AOPEP: variants seen among roughly 807,000 people sequenced by gnomAD.
AOPEP encodes aminopeptidase O (putative).
In AOPEP, 77 loss-of-function variants were observed where a neutral mutation model predicts 98.1. That is an observed-to-expected ratio of 0.78 (90% confidence interval 0.65 to 0.95). The LOEUF is 0.95. Among genes scored for constraint, AOPEP ranks in the 40% least tolerant of loss-of-function variants. AOPEP has a pLI of 0.00. For missense variants in AOPEP, 1,024 were observed against 1,024.7 expected (o/e 1.00, Z 0.01); for synonymous variants, 346 against 365.3 (o/e 0.95, Z 0.60).
At chr9:94,969,977 A>T (rs1447420197) in intron 10 of AOPEP, among the ~76,000 whole-genome samples, 1 of 152,164 alleles carries the variant, frequency 6.6e-6, no homozygotes, top group East Asian at 1.9e-4. Context: ...GTACAGTGTC[A>T]GGGCTTATGC....
intron 13 of AOPEP, among the ~76,000 whole-genome samples, chr9:95,044,821 C>T (rs2065688973): frequency 6.6e-6 from 1 of 152,090 alleles, no homozygotes; most frequent in African/African-American, 2.4e-5. Flanking sequence ...GCCCCTAGGG[C>T]CTGCACTAGA....
At chr9:95,115,202 A>G in the AOPEP span, among the ~76,000 whole-genome samples, 2 of 152,282 alleles carry the variant, frequency 1.3e-5, no homozygotes, top group Admixed American at 1.3e-4. Flanking sequence ...TTGGCCTCCC[A>G]AAGTGCTGGA....
rs1045657630 is a variant in AOPEP, at chr9:94,931,455, A to G, written c.1661+2924A>G. Among the ~76,000 whole-genome samples, 22 of 152,162 alleles carry G rather than the reference A, an allele frequency of 1.4e-4. 1 individual carries two copies. Among genetic ancestry groups the G allele is most frequent in the African/African-American group, 5.3e-4 (22 of 41,444 alleles). On this transcript the variant is annotated intron_variant, in intron 7 of 16. Coordinates refer to ENST00000375315, the MANE Select transcript of AOPEP (RefSeq NM_001193329.3). ...GGAAATGTTTCCGAACCTGCCCTGA[A>G]TTATATAGTCTAGGTTTCGTTTACT...
chr9:94,855,747 GA>G (rs2044124702), intron 5 of AOPEP, among the ~76,000 whole-genome samples: 2 of 152,120 alleles, frequency 1.3e-5, no homozygotes. Flanking sequence ...AATTTGCCTA[GA>G]ACTGGTGGTT....
chr9:95,131,710 A>G, the AOPEP span, among the ~76,000 whole-genome samples: 1 of 152,214 alleles, frequency 6.6e-6, no homozygotes, highest in Non-Finnish European at 1.5e-5. Flanking sequence ...AGACTGAAAA[A>G]GCAGGAAAAG....
rs1589235619 is a variant in AOPEP at position 95,005,325 on chromosome 9, C to T, written c.2040+105C>T. 3 of 732,928 alleles carry T rather than the reference C, an allele frequency of 4.1e-6. 1 individual carries two copies. The highest frequency in any genetic ancestry group is 1.1e-4 in the South Asian group (2 of 18,996). 45.4% of individuals were successfully genotyped at this position (732,928 alleles called of 1,614,324 possible). A position where few individuals can be genotyped will look rare whatever the true frequency, so the allele number is the denominator to read the frequency against. ...CTGCGGCGCGCGGGTGCGGGGACTA[C>T]CCGCCAGGCTCCGGCTCGGGCGCGG... On this transcript the variant is annotated intron_variant, in intron 12 of 16. Transcript: ENST00000375315.
At chr9:94,999,154 C>A (rs866095070) in intron 11 of AOPEP, among the ~76,000 whole-genome samples, 1 of 151,732 alleles carries the variant, frequency 6.6e-6, no homozygotes, top group Non-Finnish European at 1.5e-5. Context: ...AAACAAAAAA[C>A]CCCAAAAAAC....
At chr9:94,899,135 G>A (rs2050016171) in intron 5 of AOPEP, among the ~76,000 whole-genome samples, 2 of 150,914 alleles carry the variant, frequency 1.3e-5, no homozygotes, top group Non-Finnish European at 2.9e-5. Flanking sequence ...AAGTCCAAGT[G>A]GAGGACTGAT....
chr9:94,796,218 G>A (rs1027708671), intron 4 of AOPEP, among the ~76,000 whole-genome samples: 1 of 152,196 alleles, frequency 6.6e-6, no homozygotes, highest in Non-Finnish European at 1.5e-5. Context: ...CTGGTGAATG[G>A]GGTTCCTCCC....
At chr9:94,913,779 T>C (rs1274366917) in intron 5 of AOPEP, among the ~76,000 whole-genome samples, 2 of 152,264 alleles carry the variant, frequency 1.3e-5, no homozygotes, top group Non-Finnish European at 2.9e-5. Flanking sequence ...GTTTAATTCA[T>C]GAATTTTCCT....
chr9:95,078,810 G>C (rs1004837582), intron 14 of AOPEP, among the ~76,000 whole-genome samples: 2 of 152,338 alleles, frequency 1.3e-5, no homozygotes, highest in Non-Finnish European at 2.9e-5. Flanking sequence ...GAGAGATGAG[G>C]GACGGAGGCG....
intron 5 of AOPEP, among the ~76,000 whole-genome samples, chr9:94,813,481 C>T (rs183933268): frequency 6.6e-6 from 1 of 152,328 alleles, no homozygotes; most frequent in East Asian, 1.9e-4. Flanking sequence ...CTATCACAGG[C>T]TTCCTGTAAC....
chr9:95,027,395 T>C (rs2063927591), intron 13 of AOPEP, among the ~76,000 whole-genome samples: 1 of 152,266 alleles, frequency 6.6e-6, no homozygotes, highest in Non-Finnish European at 1.5e-5. Flanking sequence ...CATTTAATTA[T>C]GTTTTTTTCT....
chr9:94,948,984 C>A (rs2057900899), intron 7 of AOPEP, among the ~76,000 whole-genome samples: 1 of 152,228 alleles, frequency 6.6e-6, no homozygotes, highest in South Asian at 2.1e-4. Context: ...TCTCCAGCAT[C>A]CCGTTCAACT....
rs1232173932 is a variant in AOPEP, at chr9:95,012,210, A to G, written c.2115+6594A>G. Among the ~76,000 whole-genome samples, 3 of 152,350 alleles carry G rather than the reference A, an allele frequency of 2.0e-5. No homozygotes were observed. In the East Asian group the frequency reaches 5.8e-4, roughly 29 times the overall value. Reference sequence around the variant, plus strand: ...AATATTTGAAAATTCTCTTTAGTGCAGGTTATTGACAATCCTAGACCACCA... The same window carrying G: ...AATATTTGAAAATTCTCTTTAGTGCGGGTTATTGACAATCCTAGACCACCA... On this transcript the variant is annotated intron_variant, in intron 13 of 16. Transcript: ENST00000375315.
At chr9:94,757,711 C>G (rs1837378161) in intron 1 of AOPEP, among the ~76,000 whole-genome samples, 2 of 152,226 alleles carry the variant, frequency 1.3e-5, no homozygotes, top group Admixed American at 1.3e-4. Flanking sequence ...TAAATTGACC[C>G]TTGTCTCAGC....
At chr9:94,924,946 A>T (rs761956221) in intron 6 of AOPEP, among the ~76,000 whole-genome samples, 2 of 152,230 alleles carry the variant, frequency 1.3e-5, no homozygotes, top group Non-Finnish European at 2.9e-5. Flanking sequence ...AATGAGGATG[A>T]TAAGCAACTA....
chr9:95,110,029 A>C, the AOPEP span, among the ~76,000 whole-genome samples: 2 of 152,232 alleles, frequency 1.3e-5, no homozygotes, highest in Non-Finnish European at 2.9e-5. Context: ...TTGAACTGCC[A>C]GGCAGATGGG....
chr9:94,870,785 C>CT (rs1381061181), intron 5 of AOPEP, among the ~76,000 whole-genome samples: 1 of 152,216 alleles, frequency 6.6e-6, no homozygotes, highest in African/African-American at 2.4e-5. Flanking sequence ...TATGTGGTTT[C>CT]TAAGGAAGAG....
Sources: allele counts gnomAD v4.1 joint callset (sites outside exome capture counted in the v4.1 genomes callset), GRCh38; gene constraint gnomAD v4.1.1; transcripts MANE v1.5; gene names NCBI Gene and HGNC (gene_info 2026-07-23, HGNC 2026-07-21).